Variants in KIF9 observed in about 807,000 individuals in gnomAD.
KIF9 encodes kinesin family member 9.
KIF9 carries 68 observed loss-of-function variants against 94.8 expected under a neutral mutation model. The observed-to-expected ratio is 0.72, with a 90% CI of 0.59 to 0.88. KIF9 has a LOEUF of 0.88. Ranked by LOEUF, KIF9 falls within the 40% of genes least tolerant of loss-of-function variation. The probability of loss-of-function intolerance (pLI) is 0.00; values close to 1 mark genes in which losing one functional copy is unlikely to be tolerated. For synonymous variants in KIF9, 343 were observed against 362.1 expected (o/e 0.95, Z 0.60); for missense variants, 882 against 982.5 (o/e 0.90, Z 1.37).
chr3:47,269,193 T>C (rs931379108), intron 5 of KIF9, among the ~76,000 whole-genome samples: 5 of 152,218 alleles, frequency 3.3e-5, no homozygotes, highest in Admixed American at 1.3e-4. Flanking sequence ...CATGTGCCCA[T>C]TGCCTGGGCA....
intron 9 of KIF9, among the ~76,000 whole-genome samples, chr3:47,260,348 AGGCT>A (rs1312745346): frequency 2.0e-5 from 3 of 151,604 alleles, no homozygotes; most frequent in African/African-American, 7.3e-5. Context: ...GGGAACTCAG[AGGCT>A]GGCGGGATCC....
At chr3:47,266,024 T>G (rs57638502) in intron 7 of KIF9, 147 bp from the exon 8 acceptor site, 12,984 of 730,270 alleles carry the variant, frequency 0.018, 192 homozygotes, top group African/African-American at 0.047. Flanking sequence ...TTCAATGTCA[T>G]GCGATTGTAT....
chr3:47,277,474 C>T (rs568477147), intron 1 of KIF9, 95 bp from the exon 2 acceptor site: 19 of 818,642 alleles, frequency 2.3e-5, no homozygotes, highest in African/African-American at 6.9e-5. Context: ...AAAAGAGTGA[C>T]GAGCAGTCCA....
chr3:47,280,715 C>G (rs1460663011), intron 1 of KIF9, among the ~76,000 whole-genome samples: 1 of 152,174 alleles, frequency 6.6e-6, no homozygotes, highest in African/African-American at 2.4e-5. Context: ...AAGCATCACT[C>G]TCCCTCCAGA....
At chr3:47,243,584 G>C (rs1277267793) in intron 15 of KIF9, 2 of 186,128 alleles carry the variant, frequency 1.1e-5, no homozygotes, top group Non-Finnish European at 1.1e-5. Flanking sequence ...GGCTGCTGAG[G>C]TCTGAGTCAT....
At chr3:47,238,650 T>C (rs1000114736) in intron 17 of KIF9, 2 of 151,880 alleles carry the variant, frequency 1.3e-5, no homozygotes, top group African/African-American at 4.8e-5. Context: ...TTTTTTTTAA[T>C]ACTGATAAAT....
chr3:47,234,313 G>T (rs567815624), intron 20 of KIF9, among the ~76,000 whole-genome samples: 4 of 151,880 alleles, frequency 2.6e-5, no homozygotes, highest in African/African-American at 9.7e-5. Context: ...AGCTCACTGG[G>T]ACCTCCGCCT....
rs1485637928 is a variant in KIF9 at position 47,275,356 on chromosome 3, A to G, written c.228T>C (p.Asp76=). Residue 76 remains aspartate (D), a synonymous_variant, in exon 3 of 21, where the codon GAT becomes GAC. Transcript: ENST00000684063. Reference sequence around the variant, plus strand: ...AGCCATCGAGGGCCTGAGAAACCACATCCTTTGCAACTGTCTCATAAACCA... The same window carrying G: ...AGCCATCGAGGGCCTGAGAAACCACGTCCTTTGCAACTGTCTCATAAACCA... ...QDLVYETVAK[D]VVSQALDGYN... is the part of the protein sequence containing the mutation. 1.2e-6 allele frequency: 2 copies of G among 1,613,216 alleles called. No individual in the cohort carries two copies. Among genetic ancestry groups the G allele is most frequent in the African/African-American group, 2.7e-5 (2 of 74,882 alleles).
intron 11 of KIF9, 105 bp from the exon 12 acceptor site, chr3:47,247,582 C>A (rs886639610): frequency 3.4e-5 from 29 of 852,436 alleles, no homozygotes; most frequent in Non-Finnish European, 5.5e-5. Flanking sequence ...TGGGCACAGG[C>A]CCTGGCTGCC....
At chr3:47,238,658 A>C (rs570965359) in intron 17 of KIF9, 25 of 152,076 alleles carry the variant, frequency 1.6e-4, no homozygotes, top group Non-Finnish European at 2.9e-4. Flanking sequence ...AATACTGATA[A>C]ATTTTTTTTG....
chr3:47,275,240 A>G, intron 3 of KIF9, 85 bp downstream of exon 3: 1 of 1,026,626 alleles, frequency 9.7e-7, no homozygotes, highest in South Asian at 1.6e-5. Flanking sequence ...ATAGTGAGTG[A>G]GCTTTTATTT....
chr3:47,251,311 A>G (rs1279967037), intron 10 of KIF9, among the ~76,000 whole-genome samples: 1 of 152,238 alleles, frequency 6.6e-6, no homozygotes, highest in Non-Finnish European at 1.5e-5. Flanking sequence ...CATGCCTGTA[A>G]TCCCAGCACT....
At position 47,243,172 on chromosome 3, in the gene KIF9, T is replaced by C. The variant is rs774277372; in HGVS notation, c.1588A>G (p.Thr530Ala). 6.2e-6 allele frequency: 10 copies of C among 1,613,670 alleles called. No homozygotes were observed. In the African/African-American group the frequency reaches 1.3e-4, roughly 22 times the overall value. Residue 530 changes from threonine (T) to alanine (A), a missense_variant, in exon 16 of 21, where the codon ACC becomes GCC. Thr to Ala is a moderately conservative substitution (Grantham distance 58, BLOSUM62 0). Transcript: ENST00000684063. ...KDLDYVSTSK[T>A]QLVPSSKDGD... ...TCTTTGGAGGATGGGACCAGCTGGGTCTTGGAGGTGGAAACGTAATCCAAG... is the reference window on the plus strand; with the variant it reads ...TCTTTGGAGGATGGGACCAGCTGGGCCTTGGAGGTGGAAACGTAATCCAAG...
chr3:47,263,964 T>C, intron 9 of KIF9: 1 of 496,512 alleles, frequency 2.0e-6, no homozygotes, highest in South Asian at 1.5e-5. Flanking sequence ...ACGATCCTTC[T>C]TGATCCCAAT....
chr3:47,244,707 G>A, intron 15 of KIF9, 84 bp downstream of exon 15: 3 of 1,510,710 alleles, frequency 2.0e-6, no homozygotes, highest in Non-Finnish European at 2.7e-6. Context: ...GACACCAGGG[G>A]GAAAGTGGGA....
intron 15 of KIF9, chr3:47,243,884 A>G (rs947483301): frequency 1.3e-5 from 2 of 152,268 alleles, no homozygotes; most frequent in Non-Finnish European, 2.9e-5. Flanking sequence ...CCTTGCAACG[A>G]GTATGGCTCA....
intron 1 of KIF9, among the ~76,000 whole-genome samples, chr3:47,278,136 A>T (rs969698186): frequency 6.6e-6 from 1 of 151,866 alleles, no homozygotes; most frequent in Non-Finnish European, 1.5e-5. Flanking sequence ...CAGTGGTGCT[A>T]TCATGGCTCA....
intron 16 of KIF9, 32 bp from the exon 17 acceptor site, chr3:47,241,047 A>G (rs1279289261): frequency 1.6e-5 from 26 of 1,595,204 alleles, no homozygotes; most frequent in Non-Finnish European, 2.2e-5. Context: ...CAAAGAGGAT[A>G]AATGAGGTGG....
intron 20 of KIF9, among the ~76,000 whole-genome samples, chr3:47,230,410 T>C (rs1011643380): frequency 1.3e-5 from 2 of 151,896 alleles, no homozygotes; most frequent in Non-Finnish European, 1.5e-5. Flanking sequence ...AGACCCAGTC[T>C]CTATTTTTAA....
Sources: gnomAD v4.1 joint callset for allele counts (sites outside exome capture counted in the v4.1 genomes callset) on GRCh38, gnomAD v4.1.1 for gene constraint, MANE v1.5 for transcripts, NCBI Gene and HGNC (gene_info 2026-07-23, HGNC 2026-07-21) for gene names.